The following CDH4 variants were observed in gnomAD, a reference collection of about 807,000 sequenced individuals.
The protein encoded by CDH4 is cadherin-4.
In CDH4, 33 loss-of-function variants were observed where a neutral mutation model predicts 86.0. The ratio of observed to expected loss-of-function variants is 0.38; its 90% CI spans 0.29 to 0.51. CDH4 has a LOEUF of 0.51. CDH4 is among the 20% of genes least tolerant of loss of function. The pLI, the probability that CDH4 is intolerant of heterozygous loss-of-function variation, is 0.86. For missense variants in CDH4, 1,114 were observed against 1,307.4 expected (o/e 0.85, Z 2.28); for synonymous variants, 555 against 549.4 (o/e 1.01, Z -0.14).
intron 3 of CDH4, among the ~76,000 whole-genome samples, chr20:61,748,813 A>G (rs2088450079): frequency 6.6e-6 from 1 of 152,246 alleles, no homozygotes; most frequent in African/African-American, 2.4e-5. Context: ...TAAAAGAGTC[A>G]TAAAAGTCTG....
intron 2 of CDH4, among the ~76,000 whole-genome samples, chr20:61,580,754 C>T (rs1042039926): frequency 4.6e-5 from 7 of 152,118 alleles, no homozygotes; most frequent in African/African-American, 1.4e-4. Flanking sequence ...GTTGGGCGCA[C>T]GAAATGAGCC....
chr20:61,514,305 CGCCCCCCCCG>C (rs1472594023), intron 2 of CDH4, among the ~76,000 whole-genome samples: 8 of 120,070 alleles, frequency 6.7e-5, no homozygotes, highest in Middle Eastern at 7.7e-3. Flanking sequence ...GGCCTCAGTC[CGCCCCCCCCG>C]CCCCCCCCCA....
At chr20:61,655,511 C>T (rs1451433623) in intron 2 of CDH4, among the ~76,000 whole-genome samples, 4 of 152,262 alleles carry the variant, frequency 2.6e-5, no homozygotes, top group African/African-American at 4.8e-5. Flanking sequence ...TCTTTGACCA[C>T]TGCCGTGTTC....
At chr20:61,757,564 A>C (rs1480146715) in intron 3 of CDH4, among the ~76,000 whole-genome samples, 1 of 152,160 alleles carries the variant, frequency 6.6e-6, no homozygotes, top group Non-Finnish European at 1.5e-5. Context: ...CCCCCTAGGG[A>C]GCAAAATCTG....
intron 2 of CDH4, among the ~76,000 whole-genome samples, chr20:61,596,260 G>A (rs2086556574): frequency 1.3e-5 from 2 of 152,248 alleles, no homozygotes. Context: ...GCTATTGACA[G>A]GTGCACGCGC....
intron 2 of CDH4, among the ~76,000 whole-genome samples, chr20:61,531,489 AAAAAAAG>A (rs1349229809): frequency 0.014 from 2,037 of 148,950 alleles, 78 homozygotes; most frequent in African/African-American, 0.05. Flanking sequence ...AAAAAAAAAA[AAAAAAAG>A]GGATTTAGCA....
At chr20:61,730,637 G>T (rs1254577049) in intron 2 of CDH4, among the ~76,000 whole-genome samples, 1 of 152,232 alleles carries the variant, frequency 6.6e-6, no homozygotes, top group African/African-American at 2.4e-5. Flanking sequence ...GCCAGCCCCA[G>T]GCCCACAGAC....
chr20:61,351,993 G>C (rs1362848572), intron 2 of CDH4, among the ~76,000 whole-genome samples: 1 of 152,004 alleles, frequency 6.6e-6, no homozygotes, highest in East Asian at 1.9e-4. Flanking sequence ...CTGGGATTAC[G>C]GGTGTGAGCC....
chr20:61,276,424 C>G (rs766937771), intron 2 of CDH4, among the ~76,000 whole-genome samples: 8 of 152,184 alleles, frequency 5.3e-5, no homozygotes, highest in Non-Finnish European at 1.2e-4. Flanking sequence ...GTAGCTTGCT[C>G]TATGGTGGGT....
At chr20:61,925,528 A>T (rs1318834932) in intron 11 of CDH4, among the ~76,000 whole-genome samples, 1 of 152,170 alleles carries the variant, frequency 6.6e-6, no homozygotes, top group African/African-American at 2.4e-5. Flanking sequence ...TGCGGCCGTG[A>T]TGACTGCCCG....
At chr20:61,850,623 G>A (rs889361755) in intron 5 of CDH4, among the ~76,000 whole-genome samples, 1 of 152,240 alleles carries the variant, frequency 6.6e-6, no homozygotes, top group Non-Finnish European at 1.5e-5. Flanking sequence ...TTGTCTCCCG[G>A]AACGAGGATA....
At chr20:61,790,199 C>T (rs1170440729) in intron 4 of CDH4, among the ~76,000 whole-genome samples, 1 of 151,804 alleles carries the variant, frequency 6.6e-6, no homozygotes, top group Non-Finnish European at 1.5e-5. Flanking sequence ...ATCCACTCAA[C>T]CATCCACCCA....
chr20:61,852,310 G>T (rs1982762779), intron 5 of CDH4, among the ~76,000 whole-genome samples: 2 of 151,852 alleles, frequency 1.3e-5, no homozygotes, highest in Admixed American at 1.3e-4. Context: ...CTCCCCTGGG[G>T]ACTAACCTTA....
At chr20:61,778,896 T>C (rs1223353012) in intron 4 of CDH4, among the ~76,000 whole-genome samples, 1 of 152,166 alleles carries the variant, frequency 6.6e-6, no homozygotes, top group Non-Finnish European at 1.5e-5. Flanking sequence ...GCAGTTGCTA[T>C]GGTGCCAAGC....
intron 2 of CDH4, among the ~76,000 whole-genome samples, chr20:61,545,005 T>C (rs917462168): frequency 2.0e-5 from 3 of 152,238 alleles, no homozygotes; most frequent in East Asian, 3.9e-4. Flanking sequence ...GGGCCCCGAG[T>C]GGACAAACCA....
chr20:61,608,603 C>T (rs1325669568), intron 2 of CDH4, among the ~76,000 whole-genome samples: 1 of 152,248 alleles, frequency 6.6e-6, no homozygotes. Flanking sequence ...GAGTGCTCAA[C>T]GCAGCCAAGA....
chr20:61,317,750 C>T (rs950060812), intron 2 of CDH4, among the ~76,000 whole-genome samples: 13 of 152,166 alleles, frequency 8.5e-5, no homozygotes, highest in South Asian at 2.1e-4. Context: ...CCACCATGCC[C>T]GAGACCCCCA....
intron 2 of CDH4, among the ~76,000 whole-genome samples, chr20:61,469,661 A>G (rs185417973): frequency 6.6e-6 from 1 of 152,034 alleles, no homozygotes; most frequent in Admixed American, 6.6e-5. Context: ...AAGTTTCCCC[A>G]ATGTTTTCTT....
At chr20:61,669,132 G>A (rs938403314) in intron 2 of CDH4, among the ~76,000 whole-genome samples, 7 of 152,228 alleles carry the variant, frequency 4.6e-5, no homozygotes, top group African/African-American at 1.4e-4. Context: ...GTTAAGGAGC[G>A]GGCATGGGCA....
Sources: allele counts gnomAD v4.1 joint callset (sites outside exome capture counted in the v4.1 genomes callset), GRCh38; gene constraint gnomAD v4.1.1; transcripts MANE v1.5; gene names NCBI Gene and HGNC (gene_info 2026-07-23, HGNC 2026-07-21).